Variants in PIEZO2 observed in about 807,000 individuals in gnomAD.
PIEZO2 encodes the protein piezo type mechanosensitive ion channel component 2.
In PIEZO2, 172 loss-of-function variants were observed where a neutral mutation model predicts 337.3. The observed-to-expected ratio is 0.51, with a 90% CI of 0.45 to 0.58. The LOEUF is 0.58. Ranked by LOEUF, PIEZO2 falls within the 20% of genes least tolerant of loss-of-function variation. The pLI is 0.00. For missense variants in PIEZO2, 3,028 were observed against 3,391.3 expected (o/e 0.89, Z 2.66); for synonymous variants, 1,251 against 1,228.5 (o/e 1.02, Z -0.38).
In PIEZO2 at chr18:11,112,521, T is replaced by G. The variant is rs1203890634; in HGVS notation, c.64+36004A>C. Among the ~76,000 whole-genome samples, 2 of 152,188 alleles carry G rather than the reference T, an allele frequency of 1.3e-5. No individual in the cohort carries two copies. Among genetic ancestry groups the G allele is most frequent in the Non-Finnish European group, 2.9e-5 (2 of 68,040 alleles). Reference sequence around the variant, plus strand: ...TCCAAATTTTACACTGACTGATGAGTCTTCTGTACATCAACAAAGTTAACA... The same window carrying G: ...TCCAAATTTTACACTGACTGATGAGGCTTCTGTACATCAACAAAGTTAACA... On this transcript the variant is annotated intron_variant, in intron 1 of 55. Coordinates refer to ENST00000674853, the MANE Select transcript of PIEZO2 (RefSeq NM_001378183.1). This position sits in a 1 kb window ranked among gnomAD's most constrained non-coding sequence, Gnocchi z 4.3.
chr18:10,725,252 G>C (rs2036485752), intron 36 of PIEZO2: 20 of 1,561,414 alleles, frequency 1.3e-5, no homozygotes, highest in Non-Finnish European at 1.7e-5. Context: ...GCTGCCACCG[G>C]CAGGCAGCTG....
intron 3 of PIEZO2, among the ~76,000 whole-genome samples, chr18:10,944,144 A>C (rs2032877308): frequency 6.6e-6 from 1 of 152,194 alleles, no homozygotes; most frequent in Non-Finnish European, 1.5e-5. Context: ...AAAAAATAAA[A>C]TAAGAAATGA....
chr18:10,700,380 A>C (rs988027242), intron 43 of PIEZO2, among the ~76,000 whole-genome samples: 6 of 151,990 alleles, frequency 3.9e-5, no homozygotes, highest in African/African-American at 1.4e-4. Flanking sequence ...TGTCTTCTTA[A>C]GAAAAGATTT....
At chr18:10,744,892 C>G (rs2037361639) in intron 30 of PIEZO2, among the ~76,000 whole-genome samples, 3 of 152,206 alleles carry the variant, frequency 2.0e-5, no homozygotes, top group African/African-American at 7.2e-5. Context: ...GTGTGCCCGC[C>G]CTGTCCTGAG....
At chr18:10,736,873 C>T (rs554848403) in intron 33 of PIEZO2, among the ~76,000 whole-genome samples, 163 bp from the exon 34 acceptor site, 1 of 152,232 alleles carries the variant, frequency 6.6e-6, no homozygotes, top group African/African-American at 2.4e-5. Flanking sequence ...AACTCATCTT[C>T]GGCTAATGCT....
chr18:10,915,773 T>C (rs140204128), intron 3 of PIEZO2, among the ~76,000 whole-genome samples: 2 of 152,274 alleles, frequency 1.3e-5, no homozygotes, highest in East Asian at 1.9e-4. Context: ...TTGGGAACTG[T>C]GTTCTGCGTC....
chr18:10,903,362 C>T lies in PIEZO2; in HGVS notation c.329+7824G>A, dbSNP rs2043096573. On this transcript the variant is annotated intron_variant, in intron 4 of 55. Transcript: ENST00000674853. The surrounding 1 kb of genome is among the most constrained non-coding windows in gnomAD (Gnocchi z 4.1). The stretch of plus-strand genomic sequence containing the variant: ...GGGGTTTACACCCTTCAATGGCTCC[C>T]CATTACTACTGAATAAGATTCAAGG... Among the ~76,000 whole-genome samples the T allele has an allele frequency of 6.6e-6, 1 of 152,076 alleles. No individual in the cohort carries two copies. The highest frequency in any genetic ancestry group is 2.1e-4 in the South Asian group (1 of 4,828).
chr18:10,742,400 C>T, intron 32 of PIEZO2, 94 bp downstream of exon 32: 2 of 1,366,860 alleles, frequency 1.5e-6, no homozygotes, highest in African/African-American at 1.5e-5. Context: ...ATAATCTTGG[C>T]AGAATAAGAA....
chr18:10,801,380 G>T lies in PIEZO2; in HGVS notation c.1239+10C>A, dbSNP rs918754193. The T allele has an allele frequency of 1.4e-6, 2 of 1,478,386 alleles. No individual in the cohort carries two copies. The highest frequency in any genetic ancestry group is 2.0e-5 in the Admixed American group (1 of 50,882). 91.6% of individuals were successfully genotyped at this position (1,478,386 alleles called of 1,614,324 possible). On this transcript the variant is annotated intron_variant, in intron 10 of 55. Coordinates refer to ENST00000674853, the MANE Select transcript of PIEZO2 (RefSeq NM_001378183.1). ...ACATGCATAAATGATAATTCTAAGG[G>T]TATACTAACATCAGATGGTTTGTAG... is the stretch of plus-strand genomic sequence containing the variant.
At chr18:10,730,033 TAACA>T (rs1416705063) in intron 36 of PIEZO2, among the ~76,000 whole-genome samples, 1 of 152,230 alleles carries the variant, frequency 6.6e-6, no homozygotes, top group Non-Finnish European at 1.5e-5. Context: ...TTTTTGTTAT[TAACA>T]AATAGCATCT....
Position 10,697,842 on chromosome 18 carries a change from T to C in PIEZO2, c.6733A>G (p.Ser2245Gly). Residue 2245 changes from serine to glycine, a missense_variant, in exon 45 of 56, where the codon AGT becomes GGT. Ser to Gly is a moderately conservative substitution (Grantham distance 56). Around this residue, in one of 5 missense-constraint regions of PIEZO2, gnomAD observed 1,925 missense variants for 2,051.9 expected, o/e 0.94. Coordinates refer to ENST00000674853, the MANE Select transcript of PIEZO2 (RefSeq NM_001378183.1). The stretch of plus-strand genomic sequence containing the variant: ...CCTTTTTGCTTAATACTCAAAACAC[T>C]GCTTCCTTTTTGACTGCTGTTTCGG... ...STRNSSQKGS[S>G]VLSIKQKGKR... 6.2e-7 allele frequency: 1 copy of C among 1,614,130 alleles called. No individual in the cohort carries two copies. The highest frequency in any genetic ancestry group is 8.5e-7 in the Non-Finnish European group (1 of 1,179,968).
In PIEZO2 at chr18:10,842,544, G is replaced by A. The variant is rs142997649; in HGVS notation, c.917+12809C>T. Among the ~76,000 whole-genome samples the A allele has an allele frequency of 2.5e-3, 387 of 152,258 alleles. 1 individual carries two copies. Among genetic ancestry groups the A allele is most frequent in the Admixed American group, 5.0e-3 (77 of 15,302 alleles). On this transcript the variant is annotated intron_variant, in intron 7 of 55. Coordinates refer to ENST00000674853, the MANE Select transcript of PIEZO2 (RefSeq NM_001378183.1). ...CACCCTGTGATCTCTAAAAACACTG[G>A]CTCCCCTTCAACTTCTGCCATGAGT...
chr18:10,971,994 A>T (rs1017019311), intron 3 of PIEZO2, among the ~76,000 whole-genome samples: 4 of 152,034 alleles, frequency 2.6e-5, no homozygotes, highest in African/African-American at 9.7e-5. Flanking sequence ...ATATGGTAAG[A>T]ATTAGATAAC....
At chr18:11,119,322 T>G (rs1409622722) in intron 1 of PIEZO2, among the ~76,000 whole-genome samples, 1 of 152,082 alleles carries the variant, frequency 6.6e-6, no homozygotes, top group Non-Finnish European at 1.5e-5. Context: ...GTATTTTTGG[T>G]AGAGACAGGG....
chr18:11,071,254 T>C (rs1361808883), intron 1 of PIEZO2, among the ~76,000 whole-genome samples: 1 of 152,194 alleles, frequency 6.6e-6, no homozygotes, highest in Non-Finnish European at 1.5e-5. Flanking sequence ...CAAATATAGG[T>C]GATCTGCAAG....
chr18:10,919,062 AGAGTT>A (rs2031213719), intron 3 of PIEZO2, among the ~76,000 whole-genome samples: 1 of 152,086 alleles, frequency 6.6e-6, no homozygotes, highest in African/African-American at 2.4e-5. Flanking sequence ...TTTTTAACAC[AGAGTT>A]GAGTTTTTTA....
rs1224571192 is a variant in PIEZO2, at chr18:10,699,049, G to A, written c.6570C>T (p.Ala2190=). ...SSDSLKSINL[A]ASVESVHVTF... ...TCACATGCACTGACTCCACAGACGC[G>A]GCCAGGTTGATGGACTTGAGAGAAT... The change falls in exon 44 of 56, where the codon GCC becomes GCT. Residue 2190 remains alanine (A), a synonymous_variant. Transcript: ENST00000674853. 19 of 1,537,012 alleles carry A rather than the reference G, an allele frequency of 1.2e-5. No individual in the cohort carries two copies. The East Asian group carries it at 2.9e-4, about 24-fold the overall frequency.
chr18:10,860,218 C>G (rs1436553549), intron 5 of PIEZO2, among the ~76,000 whole-genome samples: 1 of 152,106 alleles, frequency 6.6e-6, no homozygotes, highest in Non-Finnish European at 1.5e-5. Flanking sequence ...ACGTCAGTAG[C>G]CTGTTGAGGT....
intron 2 of PIEZO2, among the ~76,000 whole-genome samples, chr18:11,015,792 T>G (rs912109385): frequency 3.3e-5 from 5 of 152,194 alleles, no homozygotes; most frequent in African/African-American, 7.2e-5. Flanking sequence ...GACTCGAATT[T>G]CTTATGGAAA....
Sources: gnomAD v4.1 joint callset for allele counts (sites outside exome capture counted in the v4.1 genomes callset) on GRCh38, gnomAD v4.1.1 for gene constraint, gnomAD v4.1.1 regional missense constraint, Gnocchi (gnomAD v3.1) non-coding constraint, MANE v1.5 for transcripts, NCBI Gene and HGNC (gene_info 2026-07-23, HGNC 2026-07-21) for gene names.